The following NUP98 variants were observed in gnomAD, a reference collection of about 807,000 sequenced individuals.
NUP98 encodes the protein nuclear pore complex protein Nup98-Nup96.
NUP98 carries 26 observed loss-of-function variants against 191.9 expected under a neutral mutation model. That is an observed-to-expected ratio of 0.14 (90% CI 0.10 to 0.19). The LOEUF is 0.19. NUP98 is among the 10% of genes least tolerant of loss of function. The probability of loss-of-function intolerance (pLI) is 1.00; values close to 1 mark genes in which losing one functional copy is unlikely to be tolerated. For missense variants in NUP98, 1,941 were observed against 2,178.8 expected, an observed-to-expected ratio of 0.89 and a Z score of 2.17; for synonymous variants, 808 against 778.4, an observed-to-expected ratio of 1.04 and a Z score of -0.63.
intron 30 of NUP98, among the ~76,000 whole-genome samples, chr11:3,681,521 G>A (rs754519182): frequency 1.3e-5 from 2 of 152,180 alleles, no homozygotes; most frequent in Admixed American, 6.5e-5. Flanking sequence ...TGTGTTAGCA[G>A]GCATAAAAAC....
At chr11:3,762,765 T>G in intron 9 of NUP98, 137 bp downstream of exon 9, 2 of 850,916 alleles carry the variant, frequency 2.4e-6, no homozygotes, top group Non-Finnish European at 3.5e-6. Context: ...TTTTTTGTTC[T>G]CAGAATCAAA....
At chr11:3,770,912 G>C (rs1317470927) in intron 7 of NUP98, among the ~76,000 whole-genome samples, 1 of 152,078 alleles carries the variant, frequency 6.6e-6, no homozygotes, top group Non-Finnish European at 1.5e-5. Context: ...ACCCAGGCTG[G>C]AGTGCAATGG....
At chr11:3,711,113 G>A (rs934597085) in intron 20 of NUP98, among the ~76,000 whole-genome samples, 6 of 151,972 alleles carry the variant, frequency 3.9e-5, no homozygotes, top group Middle Eastern at 3.2e-3. Flanking sequence ...TGAGTGTGGT[G>A]GTATGCCCTG....
intron 8 of NUP98, among the ~76,000 whole-genome samples, chr11:3,767,033 C>T (rs1320488551): frequency 1.3e-5 from 2 of 152,142 alleles, no homozygotes; most frequent in African/African-American, 4.8e-5. Context: ...GGCAAAATCT[C>T]GGCTCACCGC....
At chr11:3,752,481 C>T (rs528657778) in intron 11 of NUP98, among the ~76,000 whole-genome samples, 1 of 151,836 alleles carries the variant, frequency 6.6e-6, no homozygotes, top group Non-Finnish European at 1.5e-5. Flanking sequence ...TGCACCACTG[C>T]ACTCCAGCCT....
At chr11:3,743,794 C>G (rs2080381930) in intron 12 of NUP98, among the ~76,000 whole-genome samples, 1 of 151,760 alleles carries the variant, frequency 6.6e-6, no homozygotes, top group African/African-American at 2.4e-5. Flanking sequence ...TGGCTTACAC[C>G]TGTAATCCTT....
At chr11:3,765,195 CTT>C (rs1253318564) in intron 8 of NUP98, among the ~76,000 whole-genome samples, 3 of 152,170 alleles carry the variant, frequency 2.0e-5, no homozygotes, top group South Asian at 2.1e-4. Context: ...TTTCTGCCAT[CTT>C]TGTTTGTTTA....
chr11:3,779,308 A>G (rs2081867479), intron 2 of NUP98, 51 bp from the exon 3 acceptor site: 1 of 1,347,754 alleles, frequency 7.4e-7, no homozygotes, highest in Admixed American at 1.7e-5. Flanking sequence ...AAATCTACGT[A>G]AGATGACCAA....
chr11:3,691,234 T>C, intron 28 of NUP98, 113 bp downstream of exon 28: 1 of 1,117,172 alleles, frequency 9.0e-7, no homozygotes, highest in Non-Finnish European at 1.3e-6. Context: ...TATTTGGTAG[T>C]TTATATGGAC....
chr11:3,681,116 T>G lies in NUP98; in HGVS notation c.4919-1408A>C, dbSNP rs369137200. ...GTTCACTGGCATGGTCGTGGCTCAC[T>G]ACAGCCTCAACCTCCCTAGGCTCAG... On this transcript the variant is annotated intron_variant, in intron 30 of 32. Transcript: ENST00000324932. Among the ~76,000 whole-genome samples the G allele has an allele frequency of 3.9e-5, 6 of 152,274 alleles. No individual in the cohort carries two copies. The South Asian group carries it at 1.2e-3, about 32-fold the overall frequency.
chr11:3,744,728 A>T, intron 11 of NUP98, 79 bp from the exon 12 acceptor site: 1 of 1,494,410 alleles, frequency 6.7e-7, no homozygotes, highest in Non-Finnish European at 9.0e-7. Flanking sequence ...ACTTAAAAAT[A>T]TAATACATTT....
rs137897759 is a variant in NUP98 at position 3,675,460 on chromosome 11, C to G, written c.*699G>C. The stretch of plus-strand genomic sequence containing the variant: ...CAGGGACCAAACCAAACTCTGGGAG[C>G]TTCCCACAGACATGTCACATGTGAC... On this transcript the variant is annotated 3_prime_UTR_variant, in exon 33 of 33. Coordinates refer to ENST00000324932, the MANE Select transcript of NUP98 (RefSeq NM_016320.5). 7.0e-5 allele frequency: 16 copies of G among 227,874 alleles called. No individual in the cohort carries two copies. Among genetic ancestry groups the G allele is most frequent in the Middle Eastern group, 1.3e-3 (1 of 764 alleles). The allele number at this position is 227,874 out of a possible 1,614,324, so 14.1% of individuals were successfully genotyped here. A position where few individuals can be genotyped will look rare whatever the true frequency, so the allele number is the denominator to read the frequency against.
chr11:3,717,350 G>A (rs1232737676), intron 18 of NUP98, among the ~76,000 whole-genome samples: 1 of 152,140 alleles, frequency 6.6e-6, no homozygotes, highest in Non-Finnish European at 1.5e-5. Flanking sequence ...CCATTTATCT[G>A]TGTCTGGTGT....
chr11:3,743,630 G>C (rs1162471357), intron 12 of NUP98, among the ~76,000 whole-genome samples: 1 of 131,144 alleles, frequency 7.6e-6, no homozygotes, highest in Non-Finnish European at 1.6e-5. Flanking sequence ...CTGGGCAACA[G>C]AGTGAAACTC....
At chr11:3,687,308 G>A (rs982005209) in intron 28 of NUP98, among the ~76,000 whole-genome samples, 2 of 152,214 alleles carry the variant, frequency 1.3e-5, no homozygotes, top group South Asian at 4.1e-4. Flanking sequence ...TCTACGAATT[G>A]CAAGTATTTT....
At position 3,675,885 on chromosome 11, in the gene NUP98, A is replaced by G. The variant is rs1418723687; in HGVS notation, c.*274T>C. On this transcript the variant is annotated 3_prime_UTR_variant, in exon 33 of 33. Coordinates refer to ENST00000324932, the MANE Select transcript of NUP98 (RefSeq NM_016320.5). Reference sequence around the variant, plus strand: ...CCCTGGTTCTTTGGGGGATTCTGCCAAAGGAGCTTTATTGACCATTTTTTT... The same window carrying G: ...CCCTGGTTCTTTGGGGGATTCTGCCGAAGGAGCTTTATTGACCATTTTTTT... 2.1e-6 allele frequency: 1 copy of G among 480,774 alleles called. No homozygotes were observed. Among genetic ancestry groups the G allele is most frequent in the East Asian group, 3.6e-5 (1 of 27,520 alleles). The allele number at this position is 480,774 out of a possible 1,614,324, so 29.8% of individuals were successfully genotyped here. A position where few individuals can be genotyped will look rare whatever the true frequency, so the allele number is the denominator to read the frequency against.
chr11:3,748,707 G>C (rs2080606195), intron 11 of NUP98, among the ~76,000 whole-genome samples: 2 of 150,572 alleles, frequency 1.3e-5, no homozygotes, highest in Admixed American at 6.6e-5. Context: ...TTGAGCAAAA[G>C]AAAAAAAAGA....
intron 10 of NUP98, among the ~76,000 whole-genome samples, chr11:3,756,894 C>T (rs2080978044): frequency 1.3e-5 from 2 of 150,996 alleles, no homozygotes; most frequent in South Asian, 2.1e-4. Flanking sequence ...GAGACCATCC[C>T]GGCTAACATG....
chr11:3,722,969 A>G (rs1168506924), intron 16 of NUP98, among the ~76,000 whole-genome samples, 188 bp downstream of exon 16: 8 of 152,226 alleles, frequency 5.3e-5, no homozygotes. Context: ...TCTAAGGTCC[A>G]AAGAGTATGT....
Sources: allele counts gnomAD v4.1 joint callset (sites outside exome capture counted in the v4.1 genomes callset), GRCh38; gene constraint gnomAD v4.1.1; transcripts MANE v1.5; gene names NCBI Gene and HGNC (gene_info 2026-07-23, HGNC 2026-07-21).